IQCH: variants seen among roughly 807,000 people sequenced by gnomAD.
The protein encoded by IQCH is IQ motif containing H.
IQCH carries 98 observed loss-of-function variants against 117.0 expected under a neutral mutation model. The ratio of observed to expected loss-of-function variants is 0.84; its 90% CI spans 0.71 to 0.99. The LOEUF (loss-of-function observed/expected upper bound fraction) is 0.99, where lower values mean the gene tolerates loss of function less well. Among genes scored for constraint, IQCH ranks in the 50% least tolerant of loss-of-function variants. The pLI is 0.00. For synonymous variants in IQCH, 412 were observed against 448.2 expected (o/e 0.92, Z 1.02); for missense variants, 1,102 against 1,243.8 (o/e 0.89, Z 1.72).
In IQCH at chr15:67,254,967, C is replaced by A; in HGVS notation, c.51+20C>A. 1 of 1,609,148 alleles carries A rather than the reference C, an allele frequency of 6.2e-7. No individual in the cohort carries two copies. The highest frequency in any genetic ancestry group is 8.5e-7 in the Non-Finnish European group (1 of 1,177,024). On this transcript the variant is annotated intron_variant, in intron 1 of 20. Coordinates refer to ENST00000335894, the MANE Select transcript of IQCH (RefSeq NM_001031715.3). ...ATCCAGGTGGGAAACGGGCTTCCCC[C>A]GGCCCTGCCCTGCCCAGCCGCGCCA...
At position 67,422,385 on chromosome 15, in the gene IQCH, A is replaced by C. The variant is rs1596345619; in HGVS notation, c.2505+808A>C. Among the ~76,000 whole-genome samples the C allele has an allele frequency of 1.3e-5, 2 of 152,304 alleles. No individual in the cohort carries two copies. Among genetic ancestry groups the C allele is most frequent in the South Asian group, 4.1e-4 (2 of 4,826 alleles). ...TACCTCATAAATATAAAAAGGTCTA[A>C]ATAATAATATAATCAATATCATGTG... On this transcript the variant is annotated intron_variant, in intron 16 of 20. Transcript: ENST00000335894. This position sits in a 1 kb window ranked among gnomAD's most constrained non-coding sequence, Gnocchi z 4.7.
At chr15:67,320,761 C>T (rs1596173665) in intron 4 of IQCH, among the ~76,000 whole-genome samples, 1 of 152,114 alleles carries the variant, frequency 6.6e-6, no homozygotes, top group East Asian at 1.9e-4. Context: ...ATCCTTGGAT[C>T]ATTTTTTTCC....
In IQCH at chr15:67,294,132, G is replaced by A. The variant is rs939536264; in HGVS notation, c.387+14620G>A. Reference sequence around the variant, plus strand: ...ATCTTGAAAATCTTTTTCAAGCACAGCAGTGTGACCTCTGCATCCTAGACT... The same window carrying A: ...ATCTTGAAAATCTTTTTCAAGCACAACAGTGTGACCTCTGCATCCTAGACT... On this transcript the variant is annotated intron_variant, in intron 4 of 20. Coordinates refer to ENST00000335894, the MANE Select transcript of IQCH (RefSeq NM_001031715.3). Among the ~76,000 whole-genome samples, 11 of 152,064 alleles carry A rather than the reference G, an allele frequency of 7.2e-5. No homozygotes were observed. In the South Asian group the frequency reaches 1.2e-3, roughly 17 times the overall value.
chr15:67,328,982 T>C (rs1345903441), intron 4 of IQCH, among the ~76,000 whole-genome samples: 5 of 152,136 alleles, frequency 3.3e-5, no homozygotes, highest in African/African-American at 1.2e-4. Flanking sequence ...ATGATAACAA[T>C]TGATCACTTG....
chr15:67,258,399 C>T (rs761732413), intron 1 of IQCH, among the ~76,000 whole-genome samples: 1 of 151,538 alleles, frequency 6.6e-6, no homozygotes, highest in Non-Finnish European at 1.5e-5. Context: ...AGCGTGGTGG[C>T]ATGCTCTTAT....
In IQCH at chr15:67,445,673, G is replaced by T. The variant is rs1325315716; in HGVS notation, c.2506-19454G>T. On this transcript the variant is annotated intron_variant, in intron 16 of 20. Transcript: ENST00000335894. This position sits in a 1 kb window ranked among gnomAD's most constrained non-coding sequence, Gnocchi z 4.3. ...AGGCTGGTCTCGAACTCCTGACCTG[G>T]TGATCCATCTGCCGTGGCCTCCCAA... is the stretch of plus-strand genomic sequence containing the variant. Among the ~76,000 whole-genome samples the T allele has an allele frequency of 6.6e-6, 1 of 152,176 alleles. No individual in the cohort carries two copies. Among genetic ancestry groups the T allele is most frequent in the Admixed American group, 6.5e-5 (1 of 15,280 alleles).
chr15:67,492,989 T>C (rs1308367336), intron 19 of IQCH, among the ~76,000 whole-genome samples: 1 of 152,188 alleles, frequency 6.6e-6, no homozygotes, highest in Non-Finnish European at 1.5e-5. Flanking sequence ...TCCCTACACC[T>C]GTACCTGAGA....
chr15:67,337,129 G>C (rs376007158), intron 5 of IQCH, 34 bp downstream of exon 5: 14 of 1,609,354 alleles, frequency 8.7e-6, no homozygotes, highest in Non-Finnish European at 1.0e-5. Flanking sequence ...ACGTGTTTAG[G>C]AACGGAAAAG....
chr15:67,293,720 G>A (rs1966830969), intron 4 of IQCH, among the ~76,000 whole-genome samples: 1 of 152,148 alleles, frequency 6.6e-6, no homozygotes, highest in Non-Finnish European at 1.5e-5. Flanking sequence ...GGGACTATTG[G>A]GATGGTCTAA....
Position 67,369,397 on chromosome 15 carries a change from G to T in IQCH, c.754-2714G>T, listed in dbSNP as rs1290882658. Among the ~76,000 whole-genome samples the T allele has an allele frequency of 1.3e-5, 2 of 151,740 alleles. No individual in the cohort carries two copies. Among genetic ancestry groups the T allele is most frequent in the African/African-American group, 2.4e-5 (1 of 41,272 alleles). On this transcript the variant is annotated intron_variant, in intron 8 of 20. Coordinates refer to ENST00000335894, the MANE Select transcript of IQCH (RefSeq NM_001031715.3). This position sits in a 1 kb window ranked among gnomAD's most constrained non-coding sequence, Gnocchi z 5.2. ...AATGTTTTGACAGAAATCCTTCTTG[G>T]CTAGAAGGAAAAAAAAATTGCCGTC...
intron 6 of IQCH, among the ~76,000 whole-genome samples, chr15:67,352,411 G>A (rs1969702613): frequency 6.6e-6 from 1 of 151,744 alleles, no homozygotes. Context: ...TTCATTCCTT[G>A]TTGCATCTCT....
chr15:67,476,775 C>T lies in IQCH; in HGVS notation c.2799+957C>T, dbSNP rs953639776. On this transcript the variant is annotated intron_variant, in intron 18 of 20. Coordinates refer to ENST00000335894, the MANE Select transcript of IQCH (RefSeq NM_001031715.3). The surrounding 1 kb of genome is among the most constrained non-coding windows in gnomAD (Gnocchi z 4.1). ...GATTCAGATTTTCAAGTCTCTCACA[C>T]GCAGGGCCATTCTAAGACCCTGAGT... is the stretch of plus-strand genomic sequence containing the variant. 3.3e-5 allele frequency among the ~76,000 whole-genome samples: 5 copies of T among 152,120 alleles called. No homozygotes were observed. The highest frequency in any genetic ancestry group is 4.8e-5 in the African/African-American group (2 of 41,408).
chr15:67,304,527 T>G (rs1290191550), intron 4 of IQCH: 1 of 716,582 alleles, frequency 1.4e-6, no homozygotes, highest in Non-Finnish European at 2.2e-6. Flanking sequence ...TAGTGTAAGA[T>G]GTAATGTAGA....
chr15:67,476,202 T>C lies in IQCH; in HGVS notation c.2799+384T>C, dbSNP rs549497751. On this transcript the variant is annotated intron_variant, in intron 18 of 20. Transcript: ENST00000335894. This position sits in a 1 kb window ranked among gnomAD's most constrained non-coding sequence, Gnocchi z 4.1. ...GTCTGCTGGGGCTGCCATAACAATA[T>C]AGCACAAGCTAAATGGCTTGAGCCA... Among the ~76,000 whole-genome samples the C allele has an allele frequency of 6.6e-6, 1 of 152,222 alleles. No homozygotes were observed. The highest frequency in any genetic ancestry group is 1.5e-5 in the Non-Finnish European group (1 of 68,036).
chr15:67,283,458 A>T (rs929328794), intron 4 of IQCH, among the ~76,000 whole-genome samples: 1 of 152,170 alleles, frequency 6.6e-6, no homozygotes, highest in Non-Finnish European at 1.5e-5. Flanking sequence ...AATTATTCAC[A>T]TAAAATATAT....
At chr15:67,308,794 A>G (rs1967439511) in intron 4 of IQCH, among the ~76,000 whole-genome samples, 1 of 152,006 alleles carries the variant, frequency 6.6e-6, no homozygotes, top group South Asian at 2.1e-4. Flanking sequence ...AAGTGATGGA[A>G]TGTTGGCTGG....
intron 10 of IQCH, among the ~76,000 whole-genome samples, chr15:67,380,680 A>G (rs1970897181): frequency 6.6e-6 from 1 of 152,232 alleles, no homozygotes; most frequent in African/African-American, 2.4e-5. Context: ...ATTCCAGATT[A>G]TCTCTGTATC....
At chr15:67,322,924 C>T (rs1198083494) in intron 4 of IQCH, among the ~76,000 whole-genome samples, 1 of 152,062 alleles carries the variant, frequency 6.6e-6, no homozygotes, top group Non-Finnish European at 1.5e-5. Flanking sequence ...AAACACCACT[C>T]AAAGGTGGGC....
rs1023307865 is a variant in IQCH, at chr15:67,427,396, T to G, written c.2505+5819T>G. 3.3e-5 allele frequency among the ~76,000 whole-genome samples: 5 copies of G among 152,172 alleles called. No individual in the cohort carries two copies. The highest frequency in any genetic ancestry group is 9.7e-5 in the African/African-American group (4 of 41,446). On this transcript the variant is annotated intron_variant, in intron 16 of 20. Coordinates refer to ENST00000335894, the MANE Select transcript of IQCH (RefSeq NM_001031715.3). The surrounding 1 kb of genome is among the most constrained non-coding windows in gnomAD (Gnocchi z 4.7). ...TTTTTCTTTTTTCTTTTCTTTTTTT[T>G]GTAGAGATAGGGTCTCACTATGTTG...
Sources: allele counts gnomAD v4.1 joint callset (sites outside exome capture counted in the v4.1 genomes callset), GRCh38; gene constraint gnomAD v4.1.1; non-coding constraint Gnocchi (gnomAD v3.1); transcripts MANE v1.5; gene names NCBI Gene and HGNC (gene_info 2026-07-23, HGNC 2026-07-21).